The following AUTS2 variants were observed in gnomAD, a reference collection of about 807,000 sequenced individuals.
The protein encoded by AUTS2 is activator of transcription and developmental regulator AUTS2.
AUTS2 carries 17 observed loss-of-function variants against 112.4 expected under a neutral mutation model. The observed-to-expected ratio is 0.15, with a 90% CI of 0.10 to 0.23. The LOEUF is 0.23. Ranked by LOEUF, AUTS2 falls within the 10% of genes least tolerant of loss-of-function variation. The pLI, the probability that AUTS2 is intolerant of heterozygous loss-of-function variation, is 1.00. For synonymous variants in AUTS2, 751 were observed against 702.7 expected (o/e 1.07, Z -1.09); for missense variants, 1,510 against 1,701.6 (o/e 0.89, Z 1.98).
chr7:70,741,285 A>G (rs921209972), intron 6 of AUTS2, among the ~76,000 whole-genome samples: 3 of 152,004 alleles, frequency 2.0e-5, no homozygotes, highest in Admixed American at 6.6e-5. Flanking sequence ...AAATGAAGCC[A>G]TAAGACTTAT....
At chr7:70,359,595 G>A (rs145824759) in intron 4 of AUTS2, among the ~76,000 whole-genome samples, 61 of 152,206 alleles carry the variant, frequency 4.0e-4, no homozygotes, top group Admixed American at 2.0e-3. Flanking sequence ...TATCTCAGCC[G>A]GCTCTTGAGG....
At chr7:69,851,091 G>T (rs1374368020) in intron 1 of AUTS2, among the ~76,000 whole-genome samples, 1 of 152,188 alleles carries the variant, frequency 6.6e-6, no homozygotes, top group Admixed American at 6.5e-5. Context: ...CTTCAACACT[G>T]TTTAAAAGGC....
At chr7:70,043,593 C>T (rs1278210258) in intron 2 of AUTS2, among the ~76,000 whole-genome samples, 3 of 74,924 alleles carry the variant, frequency 4.0e-5, no homozygotes, top group Admixed American at 1.2e-4. Context: ...TCCTTCCTTC[C>T]TTCCTTCCTT....
chr7:70,170,216 GTGGCA>G lies in AUTS2; in HGVS notation c.660+35648_660+35652del, dbSNP rs376026090. ...ACTTCTTCGCCCAGGCTGGAGTGCA[GTGGCA>G]TGATCTCAGCTCACTGCAATCTCTA... On this transcript the variant is annotated intron_variant, in intron 4 of 18. Transcript: ENST00000342771. 1.4e-3 allele frequency among the ~76,000 whole-genome samples: 212 copies of G among 147,760 alleles called. 1 individual carries two copies. Among genetic ancestry groups the G allele is most frequent in the African/African-American group, 5.2e-3 (208 of 39,762 alleles).
At chr7:69,845,159 C>T (rs1251716974) in intron 1 of AUTS2, among the ~76,000 whole-genome samples, 1 of 152,140 alleles carries the variant, frequency 6.6e-6, no homozygotes, top group East Asian at 1.9e-4. Context: ...GCCATTGTTT[C>T]AGAATAATTT....
At chr7:70,483,073 G>T (rs1562983404) in intron 5 of AUTS2, among the ~76,000 whole-genome samples, 1 of 152,138 alleles carries the variant, frequency 6.6e-6, no homozygotes, top group Non-Finnish European at 1.5e-5. Context: ...ATTGACAGAA[G>T]GGTTGGAGAT....
intron 2 of AUTS2, among the ~76,000 whole-genome samples, chr7:70,033,974 G>T (rs1306831922): frequency 6.6e-6 from 1 of 152,076 alleles, no homozygotes; most frequent in Non-Finnish European, 1.5e-5. Context: ...AATATTCCCA[G>T]CATAAGGAAA....
chr7:69,938,971 G>A (rs1432133232), intron 2 of AUTS2, among the ~76,000 whole-genome samples: 2 of 152,236 alleles, frequency 1.3e-5, no homozygotes, highest in African/African-American at 4.8e-5. Context: ...TATGGGAACT[G>A]CTGATCATGT....
chr7:69,962,828 G>T (rs1015743150), intron 2 of AUTS2, among the ~76,000 whole-genome samples: 1 of 152,020 alleles, frequency 6.6e-6, no homozygotes, highest in Non-Finnish European at 1.5e-5. Flanking sequence ...AGAAAAGCAC[G>T]TACAAAGGGT....
At chr7:69,867,271 A>G (rs1793279684) in intron 1 of AUTS2, among the ~76,000 whole-genome samples, 1 of 152,274 alleles carries the variant, frequency 6.6e-6, no homozygotes, top group Non-Finnish European at 1.5e-5. Flanking sequence ...GGGAGTTTGT[A>G]ATCTGGGCGG....
intron 11 of AUTS2, 40 bp from the exon 12 acceptor site, chr7:70,773,988 T>C: frequency 1.3e-6 from 2 of 1,595,114 alleles, no homozygotes. Context: ...GTCACCTGTT[T>C]TGTGCTTCCT....
chr7:69,950,371 C>T (rs1796976691), intron 2 of AUTS2, among the ~76,000 whole-genome samples: 1 of 151,966 alleles, frequency 6.6e-6, no homozygotes, highest in Non-Finnish European at 1.5e-5. Flanking sequence ...GTAAATGAAT[C>T]AAATCCTGGT....
intron 5 of AUTS2, among the ~76,000 whole-genome samples, chr7:70,628,912 G>C (rs776136455): frequency 6.6e-5 from 10 of 152,122 alleles, no homozygotes; most frequent in Non-Finnish European, 1.0e-4. Flanking sequence ...GAACAGGGAG[G>C]GGGTGGCAGA....
intron 1 of AUTS2, among the ~76,000 whole-genome samples, chr7:69,642,780 G>A (rs1359144577): frequency 6.6e-6 from 1 of 152,110 alleles, no homozygotes; most frequent in Non-Finnish European, 1.5e-5. Context: ...ATTGATTTGT[G>A]AGGGAAAAGG....
At chr7:70,455,442 G>A (rs1428030740) in intron 5 of AUTS2, among the ~76,000 whole-genome samples, 3 of 152,162 alleles carry the variant, frequency 2.0e-5, no homozygotes, top group Admixed American at 6.5e-5. Flanking sequence ...TTGTTAGCAA[G>A]CCAAATATGA....
chr7:69,815,600 C>T (rs1321341858), intron 1 of AUTS2, among the ~76,000 whole-genome samples: 1 of 152,058 alleles, frequency 6.6e-6, no homozygotes, highest in South Asian at 2.1e-4. Flanking sequence ...CTGCAACCTC[C>T]GCCTCCCAGG....
intron 5 of AUTS2, among the ~76,000 whole-genome samples, chr7:70,508,158 T>G (rs568411464): frequency 1.3e-3 from 194 of 152,154 alleles, no homozygotes; most frequent in African/African-American, 4.4e-3. Flanking sequence ...AGGGCTTTTT[T>G]TTGTTGTTGT....
chr7:70,498,376 C>G (rs1485024041), intron 5 of AUTS2, among the ~76,000 whole-genome samples: 1 of 152,198 alleles, frequency 6.6e-6, no homozygotes, highest in African/African-American at 2.4e-5. Context: ...TAGTAATCAT[C>G]AGTCCTGGGC....
At chr7:69,854,423 G>C (rs185137627) in intron 1 of AUTS2, among the ~76,000 whole-genome samples, 73 of 152,180 alleles carry the variant, frequency 4.8e-4, no homozygotes, top group Middle Eastern at 6.8e-3. Context: ...GAATTCTTTA[G>C]AGCTTTTTGA....
Sources: gnomAD v4.1 joint callset for allele counts (sites outside exome capture counted in the v4.1 genomes callset) on GRCh38, gnomAD v4.1.1 for gene constraint, MANE v1.5 for transcripts, NCBI Gene and HGNC (gene_info 2026-07-23, HGNC 2026-07-21) for gene names.